POT1: variants seen among roughly 807,000 people sequenced by gnomAD.
POT1 encodes protection of telomeres 1, also known as protection of telomeres protein 1.
POT1 carries 47 observed loss-of-function variants against 78.5 expected under a neutral mutation model. The ratio of observed to expected loss-of-function variants is 0.60; its 90% CI spans 0.47 to 0.76. The LOEUF is 0.76. POT1 is among the 30% of genes least tolerant of loss of function. The probability of loss-of-function intolerance (pLI) is 0.00; values close to 1 mark genes in which losing one functional copy is unlikely to be tolerated. For synonymous variants in POT1, 259 were observed against 260.7 expected, an observed-to-expected ratio of 0.99 and a Z score of 0.06; for missense variants, 646 against 749.9, an observed-to-expected ratio of 0.86 and a Z score of 1.62.
rs376923976 is a variant in POT1 at position 124,899,963 on chromosome 7, A to G, written c.-153-1589T>C. Among the ~76,000 whole-genome samples the G allele has an allele frequency of 3.9e-3, 599 of 152,302 alleles. 4 individuals carry two copies. The highest frequency in any genetic ancestry group is 0.012 in the African/African-American group (499 of 41,584). On this transcript the variant is annotated intron_variant, in intron 3 of 18. Transcript: ENST00000357628. The stretch of plus-strand genomic sequence containing the variant: ...GACTAAAAGCTGGACATCAGCATTC[A>G]TAAGAAAAATTTTTCTGAATTTAAC...
chr7:124,886,713 T>C (rs1227174484), intron 6 of POT1, among the ~76,000 whole-genome samples: 7 of 152,098 alleles, frequency 4.6e-5, no homozygotes, highest in African/African-American at 1.7e-4. Flanking sequence ...AGTAAACATA[T>C]CTGATAGAGA....
intron 3 of POT1, among the ~76,000 whole-genome samples, chr7:124,914,501 C>G (rs140163349): frequency 1.2e-4 from 18 of 151,810 alleles, no homozygotes; most frequent in Non-Finnish European, 1.9e-4. Flanking sequence ...ACAGAAAGTA[C>G]CAAAAAAAGA....
At chr7:124,913,486 CTTAAT>C (rs999595511) in intron 3 of POT1, among the ~76,000 whole-genome samples, 14 of 152,070 alleles carry the variant, frequency 9.2e-5, no homozygotes, top group Non-Finnish European at 1.9e-4. Context: ...TTTTATGAAG[CTTAAT>C]TTATCAATTT....
chr7:124,825,749 CAAG>C (rs970310384), intron 17 of POT1, among the ~76,000 whole-genome samples: 4 of 152,018 alleles, frequency 2.6e-5, no homozygotes, highest in African/African-American at 9.7e-5. Flanking sequence ...TTATAAGTTT[CAAG>C]AAGGAAGGAA....
chr7:124,867,420 T>C (rs538486648), intron 7 of POT1, among the ~76,000 whole-genome samples: 1 of 152,240 alleles, frequency 6.6e-6, no homozygotes, highest in Admixed American at 6.5e-5. Context: ...CACAATTTCA[T>C]CTTGCAACAC....
At chr7:124,888,005 T>C (rs932978287) in intron 6 of POT1, among the ~76,000 whole-genome samples, 2 of 152,128 alleles carry the variant, frequency 1.3e-5, no homozygotes, top group African/African-American at 4.8e-5. Context: ...TATACACCTC[T>C]GTATCAGTTC....
intron 9 of POT1, among the ~76,000 whole-genome samples, chr7:124,854,765 T>C (rs540787766): frequency 6.6e-6 from 1 of 151,964 alleles, no homozygotes; most frequent in Non-Finnish European, 1.5e-5. Context: ...ATTTTCCTCA[T>C]AGTCTTCAAA....
chr7:124,922,679 T>C (rs1303777642), intron 2 of POT1, among the ~76,000 whole-genome samples: 1 of 151,598 alleles, frequency 6.6e-6, no homozygotes, highest in Admixed American at 6.6e-5. Flanking sequence ...GAAAATAAAA[T>C]AGAATAAAAA....
At chr7:124,847,328 C>A (rs1795196303) in intron 11 of POT1, among the ~76,000 whole-genome samples, 1 of 152,196 alleles carries the variant, frequency 6.6e-6, no homozygotes, top group African/African-American at 2.4e-5. Context: ...AACCCCATCT[C>A]TACTACAAAT....
chr7:124,912,964 A>T (rs1169365481), intron 3 of POT1, among the ~76,000 whole-genome samples: 10 of 152,204 alleles, frequency 6.6e-5, no homozygotes, highest in Admixed American at 6.5e-4. Flanking sequence ...TATTGGCCTT[A>T]CAGTTCCACA....
At chr7:124,882,353 T>A (rs181574347) in intron 6 of POT1, among the ~76,000 whole-genome samples, 107 of 152,134 alleles carry the variant, frequency 7.0e-4, no homozygotes, top group African/African-American at 2.5e-3. Context: ...TCAAGCTACA[T>A]TATGTGCTGT....
intron 6 of POT1, among the ~76,000 whole-genome samples, chr7:124,889,144 A>G (rs145472603): frequency 6.6e-6 from 1 of 152,080 alleles, no homozygotes; most frequent in African/African-American, 2.4e-5. Flanking sequence ...AGGAAATTAA[A>G]GGTGCTACTT....
intron 8 of POT1, among the ~76,000 whole-genome samples, chr7:124,859,720 T>C (rs1477770295): frequency 7.3e-6 from 1 of 137,116 alleles, no homozygotes; most frequent in East Asian, 2.3e-4. Flanking sequence ...TGGTTATTTA[T>C]ATAAAAAAAA....
chr7:124,895,227 C>T (rs569860529), intron 5 of POT1, among the ~76,000 whole-genome samples: 28 of 151,686 alleles, frequency 1.8e-4, no homozygotes, highest in East Asian at 1.2e-3. Flanking sequence ...TGCTCATTAT[C>T]GCACAGCACA....
At chr7:124,923,569 T>G (rs1251697475) in intron 2 of POT1, among the ~76,000 whole-genome samples, 1 of 151,756 alleles carries the variant, frequency 6.6e-6, no homozygotes, top group African/African-American at 2.4e-5. Flanking sequence ...TCAGTATTCC[T>G]AAGGGGGAAG....
intron 4 of POT1, among the ~76,000 whole-genome samples, chr7:124,897,446 A>C (rs1796519665): frequency 6.6e-6 from 1 of 151,968 alleles, no homozygotes; most frequent in African/African-American, 2.4e-5. Context: ...TTATTAAAAT[A>C]TTAGTGTTCT....
At chr7:124,866,437 T>TCAACCACAATGTC (rs1795727184) in intron 7 of POT1, among the ~76,000 whole-genome samples, 1 of 152,036 alleles carries the variant, frequency 6.6e-6, no homozygotes, top group South Asian at 2.1e-4. Context: ...CATTTCATGT[T>TCAACCACAATGTC]CAACCACAGT....
intron 6 of POT1, among the ~76,000 whole-genome samples, chr7:124,883,518 G>A (rs557325938): frequency 3.3e-5 from 5 of 151,884 alleles, no homozygotes; most frequent in East Asian, 1.9e-4. Context: ...TGAGTGAACC[G>A]AAATACAAAA....
At chr7:124,829,029 G>C in intron 16 of POT1, 1 of 728,954 alleles carries the variant, frequency 1.4e-6, no homozygotes, top group Non-Finnish European at 2.5e-6. Flanking sequence ...AAACAAAATA[G>C]TAAGGCATAG....
Sources: gnomAD v4.1 joint callset for allele counts (sites outside exome capture counted in the v4.1 genomes callset) on GRCh38, gnomAD v4.1.1 for gene constraint, MANE v1.5 for transcripts, NCBI Gene and HGNC (gene_info 2026-07-23, HGNC 2026-07-21) for gene names.